NOC2L: variants seen among roughly 807,000 people sequenced by gnomAD.
NOC2L encodes nucleolar complex protein 2 homolog.
In NOC2L, 101 loss-of-function variants were observed where a neutral mutation model predicts 94.2. The observed-to-expected ratio is 1.07, with a 90% CI of 0.91 to 1.26. The LOEUF (loss-of-function observed/expected upper bound fraction) is 1.26, where lower values mean the gene tolerates loss of function less well. NOC2L is among the 50% of genes most tolerant of loss of function. NOC2L has a pLI of 0.00. For missense variants in NOC2L, 1,076 were observed against 980.1 expected, an observed-to-expected ratio of 1.10 and a Z score of -1.31; for synonymous variants, 531 against 413.4, an observed-to-expected ratio of 1.28 and a Z score of -3.45.
In NOC2L at chr1:944,911, TG is replaced by T. The variant is rs878926398; in HGVS notation, c.2144-112del. 13 of 1,405,586 alleles carry T rather than the reference TG, an allele frequency of 9.2e-6. No homozygotes were observed. The South Asian group carries it at 1.5e-4, about 17-fold the overall frequency. The allele number at this position is 1,405,586 out of a possible 1,614,324, so 87.1% of individuals were successfully genotyped here. A position where few individuals can be genotyped will look rare whatever the true frequency, so the allele number is the denominator to read the frequency against. ...GCACTAATTAATTTATCCCTGTTGC[TG>T]GCTGCCAGAGAACAGAGCATTTGGC... On this transcript the variant is annotated intron_variant, in intron 18 of 18. Coordinates refer to ENST00000327044, the MANE Select transcript of NOC2L (RefSeq NM_015658.4).
chr1:958,747 AG>A, intron 2 of NOC2L, 181 bp downstream of exon 2: 1 of 727,148 alleles, frequency 1.4e-6, no homozygotes, highest in South Asian at 1.5e-5. Context: ...CCTAGGACAG[AG>A]TTTGGCACGG....
intron 6 of NOC2L, among the ~76,000 whole-genome samples, chr1:955,323 G>A (rs903814469): frequency 6.6e-6 from 1 of 152,252 alleles, no homozygotes; most frequent in Non-Finnish European, 1.5e-5. Flanking sequence ...CTTTGAAGGT[G>A]TCCTGGGGCA....
rs199984649 is a variant in NOC2L, at chr1:951,273, G to A, written c.1332-35C>T. 2,340 of 1,474,618 alleles carry A rather than the reference G, an allele frequency of 1.6e-3. 23 individuals carry two copies. Among genetic ancestry groups the A allele is most frequent in the Non-Finnish European group, 7.8e-4 (840 of 1,077,098 alleles). 91.3% of individuals were successfully genotyped at this position (1,474,618 alleles called of 1,614,324 possible). A position where few individuals can be genotyped will look rare whatever the true frequency, so the allele number is the denominator to read the frequency against. On this transcript the variant is annotated intron_variant, in intron 11 of 18. Transcript: ENST00000327044. ...GGAAGGCCGAGTGAGCAGAGGCCCC[G>A]GCTCTGGCAGCCCCTGCCCCTCCCC...
intron 10 of NOC2L, 116 bp from the exon 11 acceptor site, chr1:952,255 A>G: frequency 7.0e-7 from 1 of 1,420,422 alleles, no homozygotes; most frequent in South Asian, 1.3e-5. Flanking sequence ...GTCTCAACCC[A>G]TCCACCCTTC....
chr1:948,927 C>A (rs536781888), intron 12 of NOC2L, among the ~76,000 whole-genome samples: 1 of 152,254 alleles, frequency 6.6e-6, no homozygotes, highest in Admixed American at 6.5e-5. Context: ...GAGGTCCCTG[C>A]CACACAGAGT....
chr1:951,919 G>A (rs559320196), intron 11 of NOC2L, 81 bp downstream of exon 11: 19 of 1,498,946 alleles, frequency 1.3e-5, no homozygotes, highest in East Asian at 6.8e-5. Flanking sequence ...GGCCCTGAAC[G>A]CCAGAGGCAC....
chr1:951,926 G>T, intron 11 of NOC2L, 74 bp downstream of exon 11: 1 of 1,523,718 alleles, frequency 6.6e-7, no homozygotes, highest in Non-Finnish European at 8.9e-7. Flanking sequence ...AACGCCAGAG[G>T]CACCGCCCAC....
Position 954,066 on chromosome 1 carries a change from T to C in NOC2L, c.715A>G (p.Ser239Gly), listed in dbSNP as rs1430233388. The C allele has an allele frequency of 1.9e-6, 3 of 1,611,138 alleles. No individual in the cohort carries two copies. Among genetic ancestry groups the C allele is most frequent in the African/African-American group, 2.7e-5 (2 of 74,864 alleles). Residue 239 changes from serine to glycine, a missense_variant, in exon 7 of 19, where the codon AGC (serine) becomes GGC (glycine). Ser to Gly is a moderately conservative substitution (Grantham distance 56, BLOSUM62 0). Around this residue, in one of 3 missense-constraint regions of NOC2L, gnomAD observed 457 missense variants for 386.0 expected, o/e 1.18. Coordinates refer to ENST00000327044, the MANE Select transcript of NOC2L (RefSeq NM_015658.4). ...KDSSRMLQPS[S>G]SPLWGKLRVD... is the part of the protein sequence containing the mutation. Reference sequence around the variant, plus strand: ...CGAAGCTTCCCCCAGAGCGGGCTGCTGGACGGCTGCAGCATCCTGCAGAGA... The same window carrying C: ...CGAAGCTTCCCCCAGAGCGGGCTGCCGGACGGCTGCAGCATCCTGCAGAGA...
chr1:946,482 C>G lies in NOC2L; in HGVS notation c.1723G>C (p.Gly575Arg). 6.2e-7 allele frequency: 1 copy of G among 1,613,298 alleles called. No individual in the cohort carries two copies. ...TATGCCGAGTTCTCCTGAACCTTCCCAAGCAGCTGCTGCACCTGCCGGCAG... is the reference window on the plus strand; with the variant it reads ...TATGCCGAGTTCTCCTGAACCTTCCGAAGCAGCTGCTGCACCTGCCGGCAG... ...NYCRQVQQLL[G>R]KVQENSAYIC... is the part of the protein sequence containing the mutation. Residue 575 changes from glycine to arginine, a missense_variant, in exon 15 of 19, where the codon GGG (glycine) becomes CGG (arginine). Physicochemically the swap from Gly to Arg is moderately radical, Grantham distance 125. Transcript: ENST00000327044.
Position 945,618 on chromosome 1 carries a change from C to G in NOC2L, c.1953G>C (p.Arg651Ser), listed in dbSNP as rs1285777075. 1 of 1,614,182 alleles carries G rather than the reference C, an allele frequency of 6.2e-7. No homozygotes were observed. Among genetic ancestry groups the G allele is most frequent in the South Asian group, 1.1e-5 (1 of 91,086 alleles). The change falls in exon 17 of 19, where the codon AGG (arginine) becomes AGC (serine). Residue 651 changes from arginine (R) to serine (S), a missense_variant. By Grantham distance (110) the Arg-to-Ser change is moderately radical (BLOSUM62 -1). Coordinates refer to ENST00000327044, the MANE Select transcript of NOC2L (RefSeq NM_015658.4). ...EDLNFPEIKR[R>S]KMADRKDEDR... The stretch of plus-strand genomic sequence containing the variant: ...CCTCATCCTTCCTGTCAGCCATCTT[C>G]CTTCGTTTGATCTCAGGGAAGTTCA...
intron 11 of NOC2L, 63 bp downstream of exon 11, chr1:951,933 CCACA>C: frequency 1.9e-6 from 3 of 1,546,738 alleles, no homozygotes; most frequent in South Asian, 2.5e-5. Context: ...GAGGCACCGC[CCACA>C]CAGTCCCAGC....
rs758464645 is a variant in NOC2L, at chr1:945,058, C to T, written c.2142G>A (p.Glu714=). The T allele has an allele frequency of 2.5e-6, 4 of 1,614,068 alleles. No homozygotes were observed. In the South Asian group the frequency reaches 3.3e-5, roughly 13 times the overall value. The part of the protein sequence containing the change: ...EEGEEDSSNS[E]DGDPDAEAGL... ...CCCTCTCACCCCAAGACCATTCACC[C>T]TCCGAGTTGCTGCTGTCCTCCTCGC... Residue 714 remains glutamate (E), a splice_region_variant and synonymous_variant, in exon 18 of 19, where the codon GAG becomes GAA. Transcript: ENST00000327044.
At chr1:945,777 C>A in intron 16 of NOC2L, 124 bp from the exon 17 acceptor site, 1 of 1,209,474 alleles carries the variant, frequency 8.3e-7, no homozygotes, top group Non-Finnish European at 1.2e-6. Flanking sequence ...CCCCTCTGTT[C>A]CCAAATCACA....
In NOC2L at chr1:944,813, A is replaced by T; in HGVS notation, c.2144-13T>A. ...TCTGGGTCTCCATCTGCGGGGAGAG[A>T]TGGAGGCTACATAAATTTTGCTTTA... On this transcript the variant is annotated splice_polypyrimidine_tract_variant and intron_variant, in intron 18 of 18. Coordinates refer to ENST00000327044, the MANE Select transcript of NOC2L (RefSeq NM_015658.4). 1 of 1,529,746 alleles carries T rather than the reference A, an allele frequency of 6.5e-7. No individual in the cohort carries two copies. Among genetic ancestry groups the T allele is most frequent in the Non-Finnish European group, 8.9e-7 (1 of 1,127,744 alleles). The allele number at this position is 1,529,746 out of a possible 1,614,324, so 94.8% of individuals were successfully genotyped here.
chr1:945,757 A>G (rs1014278453), intron 16 of NOC2L, 104 bp from the exon 17 acceptor site: 23 of 1,394,702 alleles, frequency 1.6e-5, no homozygotes, highest in Non-Finnish European at 2.2e-5. Flanking sequence ...CCATGTGGCC[A>G]ATTTCTAGTC....
chr1:952,337 G>A, intron 10 of NOC2L, 75 bp downstream of exon 10: 1 of 1,555,430 alleles, frequency 6.4e-7, no homozygotes, highest in Admixed American at 1.7e-5. Context: ...GAGGCCCCAG[G>A]CCCTGCCTTG....
intron 14 of NOC2L, 157 bp from the exon 15 acceptor site, chr1:946,702 G>A (rs1028058584): frequency 1.2e-6 from 1 of 839,264 alleles, no homozygotes; most frequent in African/African-American, 1.7e-5. Flanking sequence ...GTTGCAGCTG[G>A]GATGGCAGAG....
chr1:945,099 CTT>C lies in NOC2L; in HGVS notation c.2099_2100del (p.Glu700GlyfsTer76). 6.2e-7 allele frequency: 1 copy of C among 1,613,868 alleles called. No individual in the cohort carries two copies. Among genetic ancestry groups the C allele is most frequent in the South Asian group, 1.1e-5 (1 of 91,026 alleles). The part of the protein sequence containing the change: ...LSTRHGVEDD[E>X]EDEEEGEEDS... ...TCCTCCTCGCCCTCCTCCTCGTCCT[CTT>C]CATCGTCTTCCACCCCATGCCGAGT... On this transcript the variant is annotated frameshift_variant, in exon 18 of 19. Coordinates refer to ENST00000327044, the MANE Select transcript of NOC2L (RefSeq NM_015658.4). LOFTEE classifies it low-confidence loss of function (END_TRUNC).
intron 17 of NOC2L, 40 bp from the exon 18 acceptor site, chr1:945,186 C>A (rs1408956547): frequency 1.3e-6 from 2 of 1,552,630 alleles, no homozygotes; most frequent in East Asian, 2.4e-5. Context: ...CTCCCACCCA[C>A]AGGGTCCACC....
Sources: gnomAD v4.1 joint callset for allele counts (sites outside exome capture counted in the v4.1 genomes callset) on GRCh38, gnomAD v4.1.1 for gene constraint, gnomAD v4.1.1 regional missense constraint, MANE v1.5 for transcripts, NCBI Gene and HGNC (gene_info 2026-07-23, HGNC 2026-07-21) for gene names.